FOXN2: variants seen among roughly 807,000 people sequenced by gnomAD.
FOXN2 encodes the protein forkhead box N2.
Under a neutral mutation model 41.2 loss-of-function variants are expected in FOXN2, and 19 were observed. That is an observed-to-expected ratio of 0.46 (90% CI 0.32 to 0.68). The LOEUF (loss-of-function observed/expected upper bound fraction) is 0.68, where lower values mean the gene tolerates loss of function less well. Ranked by LOEUF, FOXN2 falls within the 30% of genes least tolerant of loss-of-function variation. The pLI, the probability that FOXN2 is intolerant of heterozygous loss-of-function variation, is 0.03. For synonymous variants in FOXN2, 195 were observed against 176.8 expected (o/e 1.10, Z -0.82); for missense variants, 587 against 509.4 (o/e 1.15, Z -1.47).
At chr2:48,326,893 C>A (rs1245347432) in intron 1 of FOXN2, among the ~76,000 whole-genome samples, 2 of 152,204 alleles carry the variant, frequency 1.3e-5, no homozygotes, top group East Asian at 3.9e-4. Context: ...TCCAAAGTCC[C>A]AAAAAATCCC....
At chr2:48,364,428 T>A (rs886140131) in intron 5 of FOXN2, among the ~76,000 whole-genome samples, 1 of 152,084 alleles carries the variant, frequency 6.6e-6, no homozygotes, top group African/African-American at 2.4e-5. Context: ...CCTTTGGGGT[T>A]TTTTTAATGC....
intron 1 of FOXN2, among the ~76,000 whole-genome samples, chr2:48,319,313 GATA>G (rs1453681694): frequency 1.3e-5 from 2 of 152,012 alleles, no homozygotes; most frequent in Non-Finnish European, 2.9e-5. Context: ...TTTTCAAAGT[GATA>G]ATAAACGTTT....
intron 1 of FOXN2, among the ~76,000 whole-genome samples, chr2:48,321,456 A>C (rs1032551753): frequency 6.6e-6 from 1 of 152,202 alleles, no homozygotes; most frequent in African/African-American, 2.4e-5. Flanking sequence ...GAATGGCCTG[A>C]ACCCGGGAGG....
chr2:48,377,705 A>G lies in FOXN2; in HGVS notation c.*2262A>G, dbSNP rs1341497542. 1 of 152,104 alleles carries G rather than the reference A, an allele frequency of 6.6e-6. No individual in the cohort carries two copies. The highest frequency in any genetic ancestry group is 1.5e-5 in the Non-Finnish European group (1 of 67,930). The allele number at this position is 152,104 out of a possible 1,614,324, so 9.4% of individuals were successfully genotyped here. Reference sequence around the variant, plus strand: ...AAACACTTGTGCACTGAAAGCTAACAGGGAGAGGTTACACAATATTTTACA... The same window carrying G: ...AAACACTTGTGCACTGAAAGCTAACGGGGAGAGGTTACACAATATTTTACA... On this transcript the variant is annotated 3_prime_UTR_variant, in exon 7 of 7. Transcript: ENST00000340553.
Position 48,376,393 on chromosome 2 carries a change from G to GATGGCATGTTATCATACAT in FOXN2, c.*952_*970dup, listed in dbSNP as rs1168311545. 6.6e-6 allele frequency: 1 copy of GATGGCATGTTATCATACAT among 152,076 alleles called. No individual in the cohort carries two copies. Among genetic ancestry groups the GATGGCATGTTATCATACAT allele is most frequent in the African/African-American group, 2.4e-5 (1 of 41,420 alleles). 9.4% of individuals were successfully genotyped at this position (152,076 alleles called of 1,614,324 possible). On this transcript the variant is annotated 3_prime_UTR_variant, in exon 7 of 7. Coordinates refer to ENST00000340553, the MANE Select transcript of FOXN2 (RefSeq NM_002158.4). Reference sequence around the variant, plus strand: ...AGTGAAATGAAACATTTTGAGTACTGATGGCATGTTATCATACATAAAGTA... The same window carrying GATGGCATGTTATCATACAT: ...AGTGAAATGAAACATTTTGAGTACTGATGGCATGTTATCATACATATGGCATGTTATCATACATAAAGTA...
chr2:48,371,964 T>G (rs914203020), intron 5 of FOXN2, among the ~76,000 whole-genome samples: 2 of 152,190 alleles, frequency 1.3e-5, no homozygotes, highest in African/African-American at 4.8e-5. Flanking sequence ...TATAAGATCA[T>G]GTTGTCTGCA....
rs78948764 is a variant in FOXN2, at chr2:48,374,381, T to A, written c.773-539T>A. Among the ~76,000 whole-genome samples, 38 of 152,332 alleles carry A rather than the reference T, an allele frequency of 2.5e-4. No homozygotes were observed. In the East Asian group the frequency reaches 5.0e-3, roughly 20 times the overall value. ...TTTGTCCATAAAATTATAAAAAATT[T>A]AAGTAATTGAGAATGGTGTTAAGTA... On this transcript the variant is annotated intron_variant, in intron 6 of 6. Coordinates refer to ENST00000340553, the MANE Select transcript of FOXN2 (RefSeq NM_002158.4).
At chr2:48,341,828 G>A (rs1670792724) in intron 2 of FOXN2, among the ~76,000 whole-genome samples, 1 of 152,190 alleles carries the variant, frequency 6.6e-6, no homozygotes, top group African/African-American at 2.4e-5. Context: ...GAAGAATCAT[G>A]TACAAACCAA....
chr2:48,366,353 C>CA (rs372215355), intron 5 of FOXN2, among the ~76,000 whole-genome samples: 3,290 of 92,130 alleles, frequency 0.036, 47 homozygotes, highest in Middle Eastern at 0.12. Context: ...AGTGAGACTC[C>CA]AAAAAAAAAA....
At chr2:48,318,240 A>G (rs139267884) in intron 1 of FOXN2, among the ~76,000 whole-genome samples, 195 of 152,208 alleles carry the variant, frequency 1.3e-3, no homozygotes, top group Non-Finnish European at 1.8e-3. Context: ...CTTTATTCCT[A>G]TTTCGCTAAT....
intron 2 of FOXN2, among the ~76,000 whole-genome samples, chr2:48,334,890 T>A (rs1670233696): frequency 6.6e-6 from 1 of 152,070 alleles, no homozygotes; most frequent in Admixed American, 6.5e-5. Context: ...TTACTGCAAA[T>A]CGAAAAAATG....
chr2:48,351,317 G>T (rs184854618), intron 3 of FOXN2, among the ~76,000 whole-genome samples: 267 of 145,832 alleles, frequency 1.8e-3, no homozygotes, highest in African/African-American at 6.3e-3. Flanking sequence ...TCCCTCTATC[G>T]CCCAGGCTGG....
At chr2:48,338,342 TG>T (rs1373790483) in intron 2 of FOXN2, among the ~76,000 whole-genome samples, 1 of 151,628 alleles carries the variant, frequency 6.6e-6, no homozygotes, top group South Asian at 2.1e-4. Flanking sequence ...CAGGTGAGAG[TG>T]TGCAGGGATG....
chr2:48,325,888 G>A (rs1028341802), intron 1 of FOXN2, among the ~76,000 whole-genome samples: 1 of 130,294 alleles, frequency 7.7e-6, no homozygotes, highest in Non-Finnish European at 1.6e-5. Context: ...TTCCTCAGTC[G>A]CCCAGGCTGG....
At chr2:48,360,749 TC>T (rs1239666425) in intron 4 of FOXN2, among the ~76,000 whole-genome samples, 4 of 152,012 alleles carry the variant, frequency 2.6e-5, no homozygotes, top group African/African-American at 9.7e-5. Context: ...AATGGTGAGT[TC>T]TACTGATGTT....
chr2:48,321,397 G>A (rs866042202), intron 1 of FOXN2, among the ~76,000 whole-genome samples: 5 of 152,220 alleles, frequency 3.3e-5, no homozygotes, highest in East Asian at 1.9e-4. Flanking sequence ...TTAGGCGGGC[G>A]TGGTGGCGAG....
chr2:48,337,366 C>G (rs955966848), intron 2 of FOXN2, among the ~76,000 whole-genome samples: 1 of 150,558 alleles, frequency 6.6e-6, no homozygotes. Flanking sequence ...GGTGTGATCT[C>G]AGCTCGCTGT....
At chr2:48,336,030 A>G (rs1318499645) in intron 2 of FOXN2, among the ~76,000 whole-genome samples, 1 of 129,658 alleles carries the variant, frequency 7.7e-6, no homozygotes, top group Admixed American at 7.4e-5. Flanking sequence ...TCTGTCTCAA[A>G]AAAAAAAAAA....
chr2:48,362,511 G>T, intron 4 of FOXN2, 132 bp from the exon 5 acceptor site: 1 of 705,582 alleles, frequency 1.4e-6, no homozygotes, highest in Non-Finnish European at 2.5e-6. Flanking sequence ...CAAGGCTGCA[G>T]TAGGCTGAAA....
Sources: allele counts gnomAD v4.1 joint callset (sites outside exome capture counted in the v4.1 genomes callset), GRCh38; gene constraint gnomAD v4.1.1; transcripts MANE v1.5; gene names NCBI Gene and HGNC (gene_info 2026-07-23, HGNC 2026-07-21).